Variants in NUBPL observed in about 807,000 individuals in gnomAD.
NUBPL encodes NUBP iron-sulfur cluster assembly factor, mitochondrial, also known as iron-sulfur cluster transfer protein NUBPL.
A neutral mutation model predicts 45.7 loss-of-function variants in NUBPL; 31 were observed. The observed-to-expected ratio is 0.68, with a 90% CI of 0.51 to 0.92. The LOEUF (loss-of-function observed/expected upper bound fraction) is 0.92, where lower values mean the gene tolerates loss of function less well. Among genes scored for constraint, NUBPL ranks in the 40% least tolerant of loss-of-function variants. The probability of loss-of-function intolerance (pLI) is 0.00; values close to 1 mark genes in which losing one functional copy is unlikely to be tolerated. For missense variants in NUBPL, 401 were observed against 398.7 expected (o/e 1.01, Z -0.05); for synonymous variants, 144 against 140.9 (o/e 1.02, Z -0.15).
intron 4 of NUBPL, among the ~76,000 whole-genome samples, chr14:31,635,937 T>C (rs573532615): frequency 0.013 from 1,968 of 152,320 alleles, 38 homozygotes; most frequent in African/African-American, 0.043. Context: ...TGTACATTGA[T>C]TTTGTATCCT....
intron 6 of NUBPL, among the ~76,000 whole-genome samples, chr14:31,747,432 C>T (rs546425388): frequency 5.9e-5 from 9 of 151,930 alleles, no homozygotes; most frequent in South Asian, 4.2e-4. Flanking sequence ...CCACCGCATC[C>T]GGCCTGTCCT....
At chr14:31,851,913 C>T (rs959227451) in intron 10 of NUBPL, among the ~76,000 whole-genome samples, 5 of 152,092 alleles carry the variant, frequency 3.3e-5, no homozygotes, top group African/African-American at 9.7e-5. Flanking sequence ...TCTTTGAAAT[C>T]CTCCAGAAGT....
intron 6 of NUBPL, among the ~76,000 whole-genome samples, chr14:31,759,579 C>T (rs1196568928): frequency 2.0e-5 from 3 of 151,892 alleles, no homozygotes; most frequent in Admixed American, 6.6e-5. Flanking sequence ...AATCTGTTCT[C>T]ATAGTAATTT....
intron 7 of NUBPL, among the ~76,000 whole-genome samples, chr14:31,789,910 T>C (rs1471554109): frequency 6.6e-6 from 1 of 151,918 alleles, no homozygotes; most frequent in African/African-American, 2.4e-5. Context: ...TTTTCTTTTT[T>C]TTTTTTGTCT....
intron 3 of NUBPL, among the ~76,000 whole-genome samples, chr14:31,578,661 C>G (rs577043663): frequency 6.6e-5 from 10 of 152,302 alleles, no homozygotes; most frequent in African/African-American, 1.9e-4. Flanking sequence ...CCAAATTAAC[C>G]ACATCAACTA....
intron 4 of NUBPL, among the ~76,000 whole-genome samples, chr14:31,612,893 A>G (rs1020090658): frequency 1.3e-5 from 2 of 152,152 alleles, no homozygotes; most frequent in Non-Finnish European, 2.9e-5. Flanking sequence ...AAGTTCCTCA[A>G]AAAAACAAAA....
At chr14:31,691,111 C>G (rs565519799) in intron 6 of NUBPL, among the ~76,000 whole-genome samples, 1 of 152,102 alleles carries the variant, frequency 6.6e-6, no homozygotes, top group South Asian at 2.1e-4. Context: ...AATACTGAGC[C>G]CCCTAAGTAC....
chr14:31,825,456 TTCC>T (rs923341336), intron 7 of NUBPL, among the ~76,000 whole-genome samples: 5 of 152,074 alleles, frequency 3.3e-5, no homozygotes, highest in East Asian at 1.9e-4. Flanking sequence ...CAGCTTCTTC[TTCC>T]TCCTCCTCCT....
At position 31,713,179 on chromosome 14, in the gene NUBPL, A is replaced by G. The variant is rs180988986; in HGVS notation, c.513+39605A>G. ...ATTTCTATATTTATTTTAAAAAACT[A>G]CTGGGTTGGTTTCACTAGCCTTTTT... On this transcript the variant is annotated intron_variant, in intron 6 of 10. Coordinates refer to ENST00000281081, the MANE Select transcript of NUBPL (RefSeq NM_025152.3). Among the ~76,000 whole-genome samples the G allele has an allele frequency of 2.1e-3, 319 of 152,310 alleles. 1 individual carries two copies. Among genetic ancestry groups the G allele is most frequent in the African/African-American group, 7.3e-3 (304 of 41,570 alleles).
chr14:31,666,528 G>T (rs2036433435), intron 4 of NUBPL, among the ~76,000 whole-genome samples: 1 of 152,028 alleles, frequency 6.6e-6, no homozygotes, highest in South Asian at 2.1e-4. Context: ...CTCCCAAAGT[G>T]CTGGGATTAC....
At chr14:31,808,921 A>T (rs554610359) in intron 7 of NUBPL, among the ~76,000 whole-genome samples, 12 of 152,192 alleles carry the variant, frequency 7.9e-5, no homozygotes, top group Non-Finnish European at 1.5e-4. Context: ...GATTACGTTT[A>T]TTGATTTGCA....
chr14:31,803,876 A>C (rs796081698), intron 7 of NUBPL, among the ~76,000 whole-genome samples: 7 of 152,338 alleles, frequency 4.6e-5, no homozygotes, highest in African/African-American at 1.4e-4. Context: ...AAAATCAAAT[A>C]TAATGCCATT....
chr14:31,851,290 A>G (rs1159396022), intron 10 of NUBPL, among the ~76,000 whole-genome samples: 1 of 126,186 alleles, frequency 7.9e-6, no homozygotes, highest in Non-Finnish European at 1.7e-5. Context: ...CAGTACTGGT[A>G]TTTTTTCCAA....
At chr14:31,760,172 A>AGAGAGAGAGAGAGAGAGAGG (rs2038774125) in intron 6 of NUBPL, among the ~76,000 whole-genome samples, 2 of 146,466 alleles carry the variant, frequency 1.4e-5, no homozygotes, top group African/African-American at 5.1e-5. Context: ...AGAGAGAGAG[A>AGAGAGAGAGAGAGAGAGAGG]GAGAGAGAGA....
chr14:31,619,011 T>A (rs769723939), intron 4 of NUBPL, among the ~76,000 whole-genome samples: 1 of 152,256 alleles, frequency 6.6e-6, no homozygotes, highest in Non-Finnish European at 1.5e-5. Context: ...TTAGCTCTTC[T>A]TGTTGCATTG....
intron 3 of NUBPL, among the ~76,000 whole-genome samples, chr14:31,593,513 CAAAAAAAAAAA>C (rs34026301): frequency 9.3e-5 from 7 of 75,188 alleles, no homozygotes; most frequent in Admixed American, 1.9e-4. Flanking sequence ...GCTTCCGTCT[CAAAAAAAAAAA>C]AAAAAAAAAA....
chr14:31,831,332 G>A (rs1247415180), intron 8 of NUBPL, among the ~76,000 whole-genome samples: 1 of 151,840 alleles, frequency 6.6e-6, no homozygotes, highest in East Asian at 1.9e-4. Context: ...TGTGAGCCAC[G>A]GTGCCCAGCC....
At chr14:31,612,528 G>A (rs978622957) in intron 4 of NUBPL, among the ~76,000 whole-genome samples, 1 of 152,174 alleles carries the variant, frequency 6.6e-6, no homozygotes, top group Non-Finnish European at 1.5e-5. Context: ...GGGCGTGGTG[G>A]CATGTGCCTG....
At chr14:31,852,812 T>C (rs995251452) in intron 10 of NUBPL, among the ~76,000 whole-genome samples, 1 of 152,198 alleles carries the variant, frequency 6.6e-6, no homozygotes, top group African/African-American at 2.4e-5. Context: ...GTTAGTCTTG[T>C]GATGAATCTT....
Sources: allele counts gnomAD v4.1 joint callset (sites outside exome capture counted in the v4.1 genomes callset), GRCh38; gene constraint gnomAD v4.1.1; transcripts MANE v1.5; gene names NCBI Gene and HGNC (gene_info 2026-07-23, HGNC 2026-07-21).